The following CCDC18 variants were observed in gnomAD, a reference collection of about 807,000 sequenced individuals.
CCDC18 encodes the protein coiled-coil domain-containing protein 18.
In CCDC18, 157 loss-of-function variants were observed where a neutral mutation model predicts 196.0. That is an observed-to-expected ratio of 0.80 (90% CI 0.70 to 0.91). CCDC18 has a LOEUF of 0.91. Ranked by LOEUF, CCDC18 falls within the 40% of genes least tolerant of loss-of-function variation. The probability of loss-of-function intolerance (pLI) is 0.00; values close to 1 mark genes in which losing one functional copy is unlikely to be tolerated. For synonymous variants in CCDC18, 482 were observed against 529.2 expected, an observed-to-expected ratio of 0.91 and a Z score of 1.22; for missense variants, 1,465 against 1,611.6, an observed-to-expected ratio of 0.91 and a Z score of 1.56.
intron 12 of CCDC18, 75 bp from the exon 13 acceptor site, chr1:93,216,561 G>GC: frequency 1.5e-6 from 1 of 653,530 alleles, no homozygotes; most frequent in Non-Finnish European, 2.6e-6. Flanking sequence ...TGAAAGAGGA[G>GC]CAGGTGTTTG....
chr1:93,217,175 C>G (rs1318533640), intron 13 of CCDC18, among the ~76,000 whole-genome samples: 1 of 152,062 alleles, frequency 6.6e-6, no homozygotes, highest in East Asian at 1.9e-4. Context: ...ACCTCGTGAT[C>G]CACCCGCCTC....
chr1:93,206,261 G>A (rs1654690432), intron 8 of CCDC18, among the ~76,000 whole-genome samples: 2 of 152,040 alleles, frequency 1.3e-5, no homozygotes, highest in African/African-American at 4.8e-5. Flanking sequence ...AGTCTGTTTA[G>A]TATTTTTGCC....
At chr1:93,182,534 TGTA>T (rs1388773610) in intron 1 of CCDC18, among the ~76,000 whole-genome samples, 1 of 152,212 alleles carries the variant, frequency 6.6e-6, no homozygotes, top group Non-Finnish European at 1.5e-5. Context: ...CAGAAAGCTC[TGTA>T]GTAGTGGAGA....
chr1:93,201,983 GA>G lies in CCDC18; in HGVS notation c.794del (p.Lys265ArgfsTer9). The part of the protein sequence containing the change: ...QYKKKVAEKL[E>X]KVQAEEEILE... The stretch of plus-strand genomic sequence containing the variant: ...TAAAAAAAAAGTGGCTGAAAAACTG[GA>G]AAAGGTAAAAGGCAGTTGTGCAAAT... On this transcript the variant is annotated frameshift_variant, in exon 7 of 29. Transcript: ENST00000690025. LOFTEE classifies it high-confidence loss of function. The G allele has an allele frequency of 1.2e-6, 2 of 1,602,690 alleles. No homozygotes were observed. The highest frequency in any genetic ancestry group is 1.7e-6 in the Non-Finnish European group (2 of 1,172,242).
At chr1:93,192,165 T>C in intron 5 of CCDC18, 59 bp downstream of exon 5, 2 of 1,078,162 alleles carry the variant, frequency 1.9e-6, no homozygotes, top group Non-Finnish European at 2.8e-6. Flanking sequence ...TTTTATTATA[T>C]CTTGTTAAAT....
intron 18 of CCDC18, 112 bp from the exon 19 acceptor site, chr1:93,236,136 G>A (rs1485507177): frequency 1.2e-6 from 1 of 806,762 alleles, no homozygotes; most frequent in East Asian, 3.1e-5. Context: ...ATTACTTCTT[G>A]GTCTATATGT....
rs1654844210 is a variant in CCDC18, at chr1:93,207,180, G to A, written c.991G>A (p.Ala331Thr). Residue 331 changes from alanine to threonine, a missense_variant, in exon 9 of 29, where the codon GCA (alanine) becomes ACA (threonine). Physicochemically the swap from Ala to Thr is moderately conservative, Grantham distance 58 (BLOSUM62 0). Transcript: ENST00000690025. ...IMAVKNSEVM[A>T]QLTESRQSIL... is the part of the protein sequence containing the mutation. ...GGCAGTGAAAAATTCAGAAGTCATG[G>A]CACAACTAACTGAATCTAGACAAAG... 15 of 1,609,140 alleles carry A rather than the reference G, an allele frequency of 9.3e-6. No homozygotes were observed. The East Asian group carries it at 2.9e-4, about 31-fold the overall frequency.
Position 93,214,684 on chromosome 1 carries a change from T to TGA in CCDC18, c.1496-59_1496-58insGA, listed in dbSNP as rs1267931134. On this transcript the variant is annotated intron_variant, in intron 11 of 28. Coordinates refer to ENST00000690025, the MANE Select transcript of CCDC18 (RefSeq NM_001378204.1). The stretch of plus-strand genomic sequence containing the variant: ...TTTATGACTAAATCTTTCAACTATT[T>TGA]AAGTAGGTTTTTATTCTTGAAGTCC... The TGA allele has an allele frequency of 2.2e-5, 26 of 1,192,938 alleles. No individual in the cohort carries two copies. The East Asian group carries it at 5.6e-4, about 26-fold the overall frequency. The allele number at this position is 1,192,938 out of a possible 1,614,324, so 73.9% of individuals were successfully genotyped here.
chr1:93,265,307 C>CA, intron 27 of CCDC18, among the ~76,000 whole-genome samples: 1 of 152,208 alleles, frequency 6.6e-6, no homozygotes, highest in East Asian at 1.9e-4. Flanking sequence ...AGGGCAAAGA[C>CA]AATTTTTTGA....
intron 23 of CCDC18, among the ~76,000 whole-genome samples, chr1:93,248,774 A>G (rs374773559): frequency 6.6e-6 from 1 of 152,160 alleles, no homozygotes; most frequent in African/African-American, 2.4e-5. Flanking sequence ...TCAGTTCAAG[A>G]CCAGCCTAGA....
intron 3 of CCDC18, 114 bp from the exon 4 acceptor site, chr1:93,186,231 A>AT: frequency 1.0e-6 from 1 of 958,074 alleles, no homozygotes; most frequent in Non-Finnish European, 1.6e-6. Flanking sequence ...ATTTTAACTC[A>AT]TTTTCTGAGC....
In CCDC18 at chr1:93,239,715, G is replaced by C; in HGVS notation, c.2800G>C (p.Glu934Gln). 6.2e-7 allele frequency: 1 copy of C among 1,613,518 alleles called. No individual in the cohort carries two copies. Among genetic ancestry groups the C allele is most frequent in the African/African-American group, 1.3e-5 (1 of 75,006 alleles). ...KELEKLQHST[E>Q]TELTEALQKR... ...GTTAGAAAAGTTACAGCACAGTACTGAAACTGAACTAACAGAAGCCTTGCA... is the reference window on the plus strand; with the variant it reads ...GTTAGAAAAGTTACAGCACAGTACTCAAACTGAACTAACAGAAGCCTTGCA... The change falls in exon 21 of 29, where the codon GAA becomes CAA. Residue 934 changes from glutamate (E) to glutamine (Q), a missense_variant. By Grantham distance (29) the Glu-to-Gln change is conservative. Coordinates refer to ENST00000690025, the MANE Select transcript of CCDC18 (RefSeq NM_001378204.1).
At chr1:93,227,281 CCT>C (rs61209362) in intron 17 of CCDC18, among the ~76,000 whole-genome samples, 13,086 of 150,352 alleles carry the variant, frequency 0.087, 1,898 homozygotes, top group African/African-American at 0.3. Flanking sequence ...GCCTCAGCCC[CCT>C]GAGTAGCTGG....
In CCDC18 at chr1:93,217,867, A is replaced by AGAGTAAGT. The variant is rs772709636; in HGVS notation, c.1961_1962+6dup. 4.4e-6 allele frequency: 7 copies of AGAGTAAGT among 1,607,474 alleles called. No homozygotes were observed. Among genetic ancestry groups the AGAGTAAGT allele is most frequent in the Non-Finnish European group, 6.0e-6 (7 of 1,176,126 alleles). On this transcript the variant is annotated frameshift_variant and splice_region_variant, in exon 14 of 29. Coordinates refer to ENST00000690025, the MANE Select transcript of CCDC18 (RefSeq NM_001378204.1). LOFTEE classifies it high-confidence loss of function. ...TAAAGAAATGGAAAAGCAGATTGAA[A>AGAGTAAGT]GAGTAAGTAATACATATTTAGAATA... is the stretch of plus-strand genomic sequence containing the variant.
intron 21 of CCDC18, 30 bp from the exon 22 acceptor site, chr1:93,246,075 C>A: frequency 1.4e-6 from 2 of 1,480,544 alleles, no homozygotes; most frequent in Non-Finnish European, 1.8e-6. Context: ...CTACTATCTG[C>A]TTTGATCTTT....
At chr1:93,210,155 A>AT (rs1188470237) in intron 9 of CCDC18, among the ~76,000 whole-genome samples, 1 of 152,072 alleles carries the variant, frequency 6.6e-6, no homozygotes, top group East Asian at 1.9e-4. Context: ...AGAAAATGTG[A>AT]TTTTTTTCTA....
chr1:93,228,112 T>C (rs1019184535), intron 17 of CCDC18, among the ~76,000 whole-genome samples: 9 of 151,434 alleles, frequency 5.9e-5, no homozygotes, highest in African/African-American at 2.2e-4. Context: ...GATACACAGG[T>C]GATGAAAGGG....
At chr1:93,215,321 T>C (rs1656297766) in intron 12 of CCDC18, among the ~76,000 whole-genome samples, 1 of 152,140 alleles carries the variant, frequency 6.6e-6, no homozygotes, top group Admixed American at 6.5e-5. Flanking sequence ...GGAGTGATAA[T>C]AAAGGATTTC....
At chr1:93,195,785 C>A (rs10874764) in intron 6 of CCDC18, among the ~76,000 whole-genome samples, 80,108 of 152,082 alleles carry the variant, frequency 0.53, 24,287 homozygotes, top group South Asian at 0.68. Context: ...TCTTGGACTT[C>A]CCAGCCTCCG....
Sources: allele counts gnomAD v4.1 joint callset (sites outside exome capture counted in the v4.1 genomes callset), GRCh38; gene constraint gnomAD v4.1.1; transcripts MANE v1.5; gene names NCBI Gene and HGNC (gene_info 2026-07-23, HGNC 2026-07-21).